Variants in SSH2 observed in about 807,000 individuals in gnomAD.
SSH2 encodes the protein slingshot protein phosphatase 2.
A neutral mutation model predicts 135.2 loss-of-function variants in SSH2; 37 were observed. The ratio of observed to expected loss-of-function variants is 0.27; its 90% CI spans 0.21 to 0.36. SSH2 has a LOEUF of 0.36. SSH2 is among the 10% of genes least tolerant of loss of function. The probability of loss-of-function intolerance (pLI) is 1.00; values close to 1 mark genes in which losing one functional copy is unlikely to be tolerated. For missense variants in SSH2, 1,408 were observed against 1,765.3 expected (o/e 0.80, Z 3.63); for synonymous variants, 628 against 646.2 (o/e 0.97, Z 0.43).
At chr17:29,836,675 A>C (rs975180400) in intron 2 of SSH2, among the ~76,000 whole-genome samples, 1 of 152,244 alleles carries the variant, frequency 6.6e-6, no homozygotes, top group African/African-American at 2.4e-5. Flanking sequence ...TTTTAACAGC[A>C]AGTCATGGCC....
Position 29,692,108 on chromosome 17 carries a change from C to A in SSH2, c.357+3351G>T, listed in dbSNP as rs564037079. Among the ~76,000 whole-genome samples the A allele has an allele frequency of 1.5e-4, 23 of 151,056 alleles. 1 individual carries two copies. The South Asian group carries it at 4.8e-3, about 32-fold the overall frequency. ...TGGGCCAAGATCGAGCCACTGCACTCCAGACTGGGCGACAGAGCAAGACTC... is the reference window on the plus strand; with the variant it reads ...TGGGCCAAGATCGAGCCACTGCACTACAGACTGGGCGACAGAGCAAGACTC... On this transcript the variant is annotated intron_variant, in intron 5 of 15. Transcript: ENST00000540801.
At chr17:29,786,100 G>A (rs1009564701) in intron 3 of SSH2, among the ~76,000 whole-genome samples, 11 of 152,324 alleles carry the variant, frequency 7.2e-5, no homozygotes, top group Admixed American at 6.5e-4. Context: ...CGCCGCGCCC[G>A]GCCCTGTTTA....
chr17:29,640,553 A>C (rs1368302218), intron 14 of SSH2: 1 of 152,162 alleles, frequency 6.6e-6, no homozygotes, highest in Non-Finnish European at 1.5e-5. Context: ...ATCAGAAAAT[A>C]CTGGGCCAGG....
intron 3 of SSH2, among the ~76,000 whole-genome samples, chr17:29,747,195 A>G (rs1365119394): frequency 6.6e-6 from 1 of 152,216 alleles, no homozygotes; most frequent in Non-Finnish European, 1.5e-5. Flanking sequence ...ATATACAACA[A>G]TTTAAATAGT....
At chr17:29,821,491 A>G (rs1021336759) in intron 2 of SSH2, among the ~76,000 whole-genome samples, 8 of 144,714 alleles carry the variant, frequency 5.5e-5, no homozygotes, top group African/African-American at 2.3e-4. Context: ...ATTGGAGCAA[A>G]TAAATTATGA....
rs572011285 is a variant in SSH2 at position 29,737,075 on chromosome 17, G to C, written c.189-34013C>G. On this transcript the variant is annotated intron_variant, in intron 3 of 15. Coordinates refer to ENST00000540801, the MANE Select transcript of SSH2 (RefSeq NM_001282129.2). ...GATCGCACCACTGCACTCCAGCCTG[G>C]GCGACAGAGCAAGACTCTGTCTCAA... is the stretch of plus-strand genomic sequence containing the variant. Among the ~76,000 whole-genome samples the C allele has an allele frequency of 9.5e-4, 124 of 131,098 alleles. 2 individuals are homozygous for C. Among genetic ancestry groups the C allele is most frequent in the Middle Eastern group, 5.6e-3 (1 of 180 alleles). 86.0% of individuals were successfully genotyped at this position (131,098 alleles called of 152,430 possible).
At chr17:29,818,841 A>C (rs2042604884) in intron 2 of SSH2, among the ~76,000 whole-genome samples, 1 of 151,684 alleles carries the variant, frequency 6.6e-6, no homozygotes, top group South Asian at 2.1e-4. Flanking sequence ...CCATCCCAAC[A>C]CTTTGGAAGG....
At chr17:29,755,731 G>A (rs916605805) in intron 3 of SSH2, among the ~76,000 whole-genome samples, 1 of 149,434 alleles carries the variant, frequency 6.7e-6, no homozygotes, top group Non-Finnish European at 1.5e-5. Flanking sequence ...GCACGATTTC[G>A]GCTAACTGCA....
At chr17:29,777,081 G>A (rs1422048767) in intron 3 of SSH2, among the ~76,000 whole-genome samples, 2 of 152,076 alleles carry the variant, frequency 1.3e-5, no homozygotes, top group East Asian at 1.9e-4. Context: ...GCATGGTGGC[G>A]CACATGTGTA....
chr17:29,747,759 G>A (rs535115288), intron 3 of SSH2, among the ~76,000 whole-genome samples: 9 of 152,274 alleles, frequency 5.9e-5, no homozygotes, highest in African/African-American at 2.2e-4. Context: ...CTACATCACT[G>A]TTCTTTAGCC....
chr17:29,922,804 A>G (rs2066998375), intron 1 of SSH2, among the ~76,000 whole-genome samples: 1 of 152,252 alleles, frequency 6.6e-6, no homozygotes, highest in African/African-American at 2.4e-5. Context: ...AAATGAGAAT[A>G]TCCAGTGTAA....
chr17:29,827,636 A>G (rs2042769781), intron 2 of SSH2, among the ~76,000 whole-genome samples: 1 of 152,198 alleles, frequency 6.6e-6, no homozygotes, highest in Admixed American at 6.5e-5. Flanking sequence ...TTTCCACAGG[A>G]ATAAAATGCT....
intron 2 of SSH2, among the ~76,000 whole-genome samples, chr17:29,797,931 G>GT (rs557201577): frequency 2.6e-5 from 4 of 151,086 alleles, no homozygotes; most frequent in South Asian, 2.1e-4. Flanking sequence ...CTTTTGTGAA[G>GT]TTTTTTTTTG....
intron 11 of SSH2, among the ~76,000 whole-genome samples, chr17:29,662,544 G>A (rs1163989288): frequency 6.6e-6 from 1 of 152,124 alleles, no homozygotes; most frequent in Non-Finnish European, 1.5e-5. Context: ...AATCATGAAT[G>A]TGATAAAATA....
chr17:29,929,849 C>T, intron 1 of SSH2, 89 bp downstream of exon 1: 3 of 1,264,982 alleles, frequency 2.4e-6, no homozygotes, highest in South Asian at 2.6e-5. Flanking sequence ...CGGCGCGGCG[C>T]GTGCGCAGTG....
At chr17:29,794,661 T>C (rs2042127300) in intron 2 of SSH2, among the ~76,000 whole-genome samples, 2 of 152,182 alleles carry the variant, frequency 1.3e-5, no homozygotes, top group African/African-American at 4.8e-5. Flanking sequence ...CTTCTTAGTG[T>C]GGCACATAAA....
At chr17:29,897,806 C>A (rs2066472582) in intron 1 of SSH2, among the ~76,000 whole-genome samples, 1 of 152,130 alleles carries the variant, frequency 6.6e-6, no homozygotes, top group Non-Finnish European at 1.5e-5. Flanking sequence ...ACTCTCCACC[C>A]CAAATCATCA....
At chr17:29,795,905 C>A (rs2042148026) in intron 2 of SSH2, among the ~76,000 whole-genome samples, 1 of 152,126 alleles carries the variant, frequency 6.6e-6, no homozygotes, top group Non-Finnish European at 1.5e-5. Context: ...CCATGCCTGG[C>A]TAATTTTTGT....
At chr17:29,899,657 AT>A (rs1278134370) in intron 1 of SSH2, among the ~76,000 whole-genome samples, 1 of 152,224 alleles carries the variant, frequency 6.6e-6, no homozygotes, top group Non-Finnish European at 1.5e-5. Flanking sequence ...AGAACATTCC[AT>A]GCTCATGGGT....
Sources: allele counts gnomAD v4.1 joint callset (sites outside exome capture counted in the v4.1 genomes callset), GRCh38; gene constraint gnomAD v4.1.1; transcripts MANE v1.5; gene names NCBI Gene and HGNC (gene_info 2026-07-23, HGNC 2026-07-21).